The following ADAMTSL1 variants were observed in gnomAD, a reference collection of about 807,000 sequenced individuals.
ADAMTSL1 encodes the protein ADAMTS-like protein 1.
ADAMTSL1 carries 126 observed loss-of-function variants against 201.8 expected under a neutral mutation model. The ratio of observed to expected loss-of-function variants is 0.62; its 90% confidence interval spans 0.54 to 0.72. ADAMTSL1 has a LOEUF of 0.72. Among genes scored for constraint, ADAMTSL1 ranks in the 30% least tolerant of loss-of-function variants. The probability of loss-of-function intolerance (pLI) is 0.00; values close to 1 mark genes in which losing one functional copy is unlikely to be tolerated. For missense variants in ADAMTSL1, 2,679 were observed against 2,277.8 expected, an observed-to-expected ratio of 1.18 and a Z score of -3.59; for synonymous variants, 1,121 against 903.4, an observed-to-expected ratio of 1.24 and a Z score of -4.32.
At position 18,359,731 on chromosome 9, in the gene ADAMTSL1, A is replaced by G. The variant is rs540624574; in HGVS notation, c.208-145098A>G. Among the ~76,000 whole-genome samples the G allele has an allele frequency of 1.8e-4, 27 of 151,024 alleles. No homozygotes were observed. In the East Asian group the frequency reaches 5.3e-3, roughly 30 times the overall value. On this transcript the variant is annotated intron_variant, in intron 2 of 29. Transcript: ENST00000680146. The stretch of plus-strand genomic sequence containing the variant: ...AAGATATGTATACAGCCTGATTCAT[A>G]TTATTTTTAACTTTTCTAAGGGTGT...
intron 2 of ADAMTSL1, among the ~76,000 whole-genome samples, chr9:18,361,217 G>T (rs541181232): frequency 6.6e-6 from 1 of 152,152 alleles, no homozygotes; most frequent in South Asian, 2.1e-4. Context: ...TTTCCAATAA[G>T]TGTATTTTTC....
intron 1 of ADAMTSL1, among the ~76,000 whole-genome samples, chr9:18,037,039 G>C (rs905942293): frequency 6.6e-6 from 1 of 152,040 alleles, no homozygotes; most frequent in Non-Finnish European, 1.5e-5. Flanking sequence ...GTGATGTGTC[G>C]TCTAATCTCT....
At chr9:18,667,586 C>T (rs1418497271) in intron 9 of ADAMTSL1, among the ~76,000 whole-genome samples, 1 of 152,100 alleles carries the variant, frequency 6.6e-6, no homozygotes, top group Non-Finnish European at 1.5e-5. Flanking sequence ...ATAAAGTTGT[C>T]ATGAGGAATA....
At chr9:18,520,223 C>T (rs1171699213) in intron 2 of ADAMTSL1, among the ~76,000 whole-genome samples, 1 of 152,198 alleles carries the variant, frequency 6.6e-6, no homozygotes, top group Non-Finnish European at 1.5e-5. Context: ...TGCAGAGGTG[C>T]TTTCCTTGGT....
intron 2 of ADAMTSL1, among the ~76,000 whole-genome samples, chr9:18,346,352 G>C (rs1211257314): frequency 6.6e-6 from 1 of 152,110 alleles, no homozygotes; most frequent in Non-Finnish European, 1.5e-5. Flanking sequence ...AGCAGGGTTG[G>C]ATGGTACCCA....
chr9:18,195,077 T>G (rs1461742633), intron 2 of ADAMTSL1, among the ~76,000 whole-genome samples: 6 of 152,144 alleles, frequency 3.9e-5, no homozygotes, highest in Non-Finnish European at 7.4e-5. Flanking sequence ...TGGGAACCCT[T>G]AATATGGTAC....
chr9:18,361,149 A>T (rs1409781450), intron 2 of ADAMTSL1, among the ~76,000 whole-genome samples: 1 of 152,210 alleles, frequency 6.6e-6, no homozygotes, highest in African/African-American at 2.4e-5. Flanking sequence ...TACATTTTAC[A>T]GCAGTATGTG....
intron 4 of ADAMTSL1, among the ~76,000 whole-genome samples, chr9:18,594,545 G>C (rs1824136403): frequency 6.6e-6 from 1 of 152,052 alleles, no homozygotes; most frequent in African/African-American, 2.4e-5. Context: ...TATTTTCAAA[G>C]AGTCTGTCTT....
intron 2 of ADAMTSL1, among the ~76,000 whole-genome samples, chr9:18,311,166 G>A (rs1016332666): frequency 2.0e-5 from 3 of 151,808 alleles, no homozygotes; most frequent in Admixed American, 6.6e-5. Flanking sequence ...AGAACAGATG[G>A]ACACAGGGAG....
intron 13 of ADAMTSL1, among the ~76,000 whole-genome samples, chr9:18,694,517 C>T (rs1163922896): frequency 1.3e-5 from 2 of 152,128 alleles, no homozygotes; most frequent in African/African-American, 4.8e-5. Context: ...TTAGCCCAAA[C>T]AAAGGGGTTA....
At chr9:18,267,432 G>A (rs1832161926) in intron 2 of ADAMTSL1, among the ~76,000 whole-genome samples, 1 of 152,112 alleles carries the variant, frequency 6.6e-6, no homozygotes, top group Admixed American at 6.6e-5. Flanking sequence ...TTCATACACA[G>A]AAACTTATCA....
intron 2 of ADAMTSL1, among the ~76,000 whole-genome samples, chr9:18,214,481 A>G (rs1024901897): frequency 6.6e-6 from 1 of 152,172 alleles, no homozygotes; most frequent in Non-Finnish European, 1.5e-5. Flanking sequence ...ATTGACCTTA[A>G]AGCTACTTTT....
intron 9 of ADAMTSL1, among the ~76,000 whole-genome samples, chr9:18,672,229 T>C (rs1305966599): frequency 5.9e-5 from 9 of 151,806 alleles, no homozygotes; most frequent in Admixed American, 5.9e-4. Flanking sequence ...TAAAGTAGCA[T>C]CTTAGATCAC....
intron 2 of ADAMTSL1, among the ~76,000 whole-genome samples, chr9:18,328,894 T>G (rs561367717): frequency 3.9e-5 from 6 of 152,212 alleles, no homozygotes; most frequent in Non-Finnish European, 8.8e-5. Flanking sequence ...CTTATGCTTT[T>G]AGTCCTTCCT....
At chr9:18,613,042 T>C (rs1825481566) in intron 4 of ADAMTSL1, among the ~76,000 whole-genome samples, 1 of 151,978 alleles carries the variant, frequency 6.6e-6, no homozygotes, top group Non-Finnish European at 1.5e-5. Context: ...CATTAAAAGA[T>C]GGGTAAAGGA....
At chr9:18,304,115 G>A (rs1488657693) in intron 2 of ADAMTSL1, among the ~76,000 whole-genome samples, 2 of 151,850 alleles carry the variant, frequency 1.3e-5, no homozygotes, top group Non-Finnish European at 2.9e-5. Flanking sequence ...TGTCCTCTAT[G>A]TGTCTGTCAC....
At chr9:18,147,326 T>C (rs1826689357) in intron 1 of ADAMTSL1, among the ~76,000 whole-genome samples, 3 of 152,096 alleles carry the variant, frequency 2.0e-5, no homozygotes, top group African/African-American at 7.2e-5. Flanking sequence ...AATAGTATAA[T>C]ATTTTAGTTA....
chr9:18,739,022 C>T (rs1372095860), intron 15 of ADAMTSL1, among the ~76,000 whole-genome samples: 2 of 152,128 alleles, frequency 1.3e-5, no homozygotes, highest in African/African-American at 4.8e-5. Context: ...AGATCTCTTA[C>T]AACTAGCTAT....
At chr9:18,561,214 A>T (rs562808015) in intron 3 of ADAMTSL1, among the ~76,000 whole-genome samples, 1 of 152,078 alleles carries the variant, frequency 6.6e-6, no homozygotes, top group African/African-American at 2.4e-5. Flanking sequence ...TGTGTCCCAG[A>T]GATTTTGGTA....
Sources: gnomAD v4.1 joint callset for allele counts (sites outside exome capture counted in the v4.1 genomes callset) on GRCh38, gnomAD v4.1.1 for gene constraint, MANE v1.5 for transcripts, NCBI Gene and HGNC (gene_info 2026-07-23, HGNC 2026-07-21) for gene names.